Variants in SCFD2 observed in about 807,000 individuals in gnomAD.
SCFD2 encodes sec1 family domain containing 2.
A neutral mutation model predicts 58.9 loss-of-function variants in SCFD2; 54 were observed. The observed-to-expected ratio is 0.92, with a 90% CI of 0.74 to 1.15. SCFD2 has a LOEUF of 1.15. SCFD2 is among the 50% of genes most tolerant of loss of function. The probability of loss-of-function intolerance (pLI) is 0.00; values close to 1 mark genes in which losing one functional copy is unlikely to be tolerated. For synonymous variants in SCFD2, 321 were observed against 335.9 expected (o/e 0.96, Z 0.49); for missense variants, 805 against 836.6 (o/e 0.96, Z 0.47).
At position 53,117,731 on chromosome 4, in the gene SCFD2, C is replaced by T. The variant is rs571246899; in HGVS notation, c.1561+27602G>A. ...GTACAGTAAAGTTCAAGAGCAAGTC[C>T]CAACCTTGGTTTATATTTTAGAAAA... is the stretch of plus-strand genomic sequence containing the variant. On this transcript the variant is annotated intron_variant, in intron 5 of 8. Transcript: ENST00000401642. 5.0e-4 allele frequency among the ~76,000 whole-genome samples: 76 copies of T among 152,208 alleles called. 1 individual carries two copies. Among genetic ancestry groups the T allele is most frequent in the Non-Finnish European group, 1.0e-3 (70 of 67,998 alleles).
chr4:53,299,092 G>A (rs1405704904), intron 3 of SCFD2, among the ~76,000 whole-genome samples: 4 of 152,190 alleles, frequency 2.6e-5, no homozygotes, highest in Non-Finnish European at 4.4e-5. Flanking sequence ...AAAGCTGGAC[G>A]GAGAATGACT....
chr4:53,140,299 T>G (rs890822935), intron 5 of SCFD2, among the ~76,000 whole-genome samples: 3 of 149,484 alleles, frequency 2.0e-5, no homozygotes, highest in Admixed American at 6.7e-5. Flanking sequence ...TGTACTGGTC[T>G]TTAACTTTTA....
At chr4:53,124,155 TG>T (rs1725560126) in intron 5 of SCFD2, among the ~76,000 whole-genome samples, 3 of 152,194 alleles carry the variant, frequency 2.0e-5, no homozygotes, top group African/African-American at 4.8e-5. Flanking sequence ...CAGGGTGGTT[TG>T]GTGCTATATC....
At chr4:52,986,183 C>T (rs1721487675) in intron 5 of SCFD2, among the ~76,000 whole-genome samples, 1 of 151,344 alleles carries the variant, frequency 6.6e-6, no homozygotes, top group Non-Finnish European at 1.5e-5. Flanking sequence ...CACCTTTCTT[C>T]CCTCTGCCCG....
chr4:52,982,732 T>A (rs7685087), intron 5 of SCFD2, among the ~76,000 whole-genome samples: 31 of 152,146 alleles, frequency 2.0e-4, no homozygotes, highest in Non-Finnish European at 3.2e-4. Flanking sequence ...GTTGATTTTC[T>A]ACCAGCTATG....
At chr4:53,228,522 T>A (rs931217555) in intron 4 of SCFD2, among the ~76,000 whole-genome samples, 3 of 152,222 alleles carry the variant, frequency 2.0e-5, no homozygotes, top group African/African-American at 7.2e-5. Flanking sequence ...TAAGATATTT[T>A]CTATATCTCA....
intron 4 of SCFD2, among the ~76,000 whole-genome samples, chr4:53,218,576 G>A (rs773046722): frequency 6.6e-5 from 10 of 152,108 alleles, no homozygotes; most frequent in Non-Finnish European, 1.2e-4. Flanking sequence ...GCTTCTTTGC[G>A]ATGGGTTTGC....
At chr4:53,199,947 A>T (rs1037321282) in intron 4 of SCFD2, among the ~76,000 whole-genome samples, 1 of 150,656 alleles carries the variant, frequency 6.6e-6, no homozygotes, top group African/African-American at 2.5e-5. Flanking sequence ...GAAGAGCAAG[A>T]GAGAGTGAGA....
At chr4:52,895,208 A>T (rs938532372) in intron 7 of SCFD2, among the ~76,000 whole-genome samples, 4 of 152,054 alleles carry the variant, frequency 2.6e-5, no homozygotes, top group African/African-American at 9.7e-5. Flanking sequence ...TTTAGGATAC[A>T]TGTGCACAAC....
chr4:53,241,757 C>A (rs1401006215), intron 4 of SCFD2, among the ~76,000 whole-genome samples: 1 of 152,224 alleles, frequency 6.6e-6, no homozygotes, highest in Non-Finnish European at 1.5e-5. Flanking sequence ...CTCCCTCCCC[C>A]TCCTCCTGCT....
intron 1 of SCFD2, among the ~76,000 whole-genome samples, chr4:53,355,135 T>C (rs573325433): frequency 4.6e-5 from 7 of 152,204 alleles, no homozygotes; most frequent in Non-Finnish European, 1.0e-4. Flanking sequence ...TGGAATAAAA[T>C]GAGAAGCAAG....
chr4:53,005,822 T>C (rs1417262160), intron 5 of SCFD2, among the ~76,000 whole-genome samples: 1 of 152,188 alleles, frequency 6.6e-6, no homozygotes, highest in African/African-American at 2.4e-5. Context: ...CCTTCTACCT[T>C]GAGTGTGCAT....
chr4:53,065,188 G>A (rs1385671726), intron 5 of SCFD2, among the ~76,000 whole-genome samples: 2 of 152,038 alleles, frequency 1.3e-5, no homozygotes, highest in African/African-American at 4.8e-5. Context: ...CAAATGACAG[G>A]CATATAACTA....
chr4:53,329,783 G>T (rs1404025431), intron 2 of SCFD2, among the ~76,000 whole-genome samples: 1 of 151,498 alleles, frequency 6.6e-6, no homozygotes, highest in Non-Finnish European at 1.5e-5. Context: ...GGCTTCAGAC[G>T]ATCAAATTAC....
chr4:52,974,724 C>A lies in SCFD2; in HGVS notation c.1562-53854G>T, dbSNP rs1223051062. 9.9e-5 allele frequency among the ~76,000 whole-genome samples: 15 copies of A among 151,886 alleles called. No individual in the cohort carries two copies. The East Asian group carries it at 2.9e-3, about 29-fold the overall frequency. The stretch of plus-strand genomic sequence containing the variant: ...CCTGCATTGCCAAGTCAACCCTAAG[C>A]CAAAAGAACAAAGCTGGAGGCATCA... On this transcript the variant is annotated intron_variant, in intron 5 of 8. Transcript: ENST00000401642.
intron 7 of SCFD2, among the ~76,000 whole-genome samples, chr4:52,900,812 T>C (rs1248170068): frequency 1.3e-5 from 2 of 152,206 alleles, no homozygotes; most frequent in Non-Finnish European, 2.9e-5. Context: ...CCCTGTCGCT[T>C]TGTTTACCTA....
intron 3 of SCFD2, among the ~76,000 whole-genome samples, chr4:53,311,383 G>T (rs1350190432): frequency 2.0e-5 from 3 of 150,102 alleles, no homozygotes; most frequent in Non-Finnish European, 3.0e-5. Context: ...TTTTTTTTTT[G>T]ATTGACAGAA....
intron 4 of SCFD2, among the ~76,000 whole-genome samples, chr4:53,243,640 G>T (rs1309326170): frequency 4.0e-5 from 6 of 151,732 alleles, no homozygotes; most frequent in Non-Finnish European, 8.8e-5. Context: ...CTTTAACCTT[G>T]CAAGTAAATG....
chr4:52,958,172 A>G (rs1720754525), intron 5 of SCFD2: 1 of 152,224 alleles, frequency 6.6e-6, no homozygotes, highest in Non-Finnish European at 1.5e-5. Flanking sequence ...CCAAGGTGGG[A>G]AGCAAAAACA....
Sources: gnomAD v4.1 joint callset for allele counts (sites outside exome capture counted in the v4.1 genomes callset) on GRCh38, gnomAD v4.1.1 for gene constraint, MANE v1.5 for transcripts, NCBI Gene and HGNC (gene_info 2026-07-23, HGNC 2026-07-21) for gene names.